The following GRID1 variants were observed in gnomAD, a reference collection of about 807,000 sequenced individuals.
GRID1 encodes the protein glutamate receptor ionotropic, delta-1.
Under a neutral mutation model 98.0 loss-of-function variants are expected in GRID1, and 28 were observed. That is an observed-to-expected ratio of 0.29 (90% confidence interval 0.21 to 0.39). The LOEUF (loss-of-function observed/expected upper bound fraction) is 0.39. Among genes scored for constraint, GRID1 ranks in the 10% least tolerant of loss-of-function variants. The pLI is 1.00. For synonymous variants in GRID1, 553 were observed against 538.5 expected (o/e 1.03, Z -0.37); for missense variants, 1,111 against 1,340.5 (o/e 0.83, Z 2.67).
intron 8 of GRID1, among the ~76,000 whole-genome samples, chr10:85,742,899 C>A (rs1032611915): frequency 2.6e-5 from 4 of 152,144 alleles, no homozygotes; most frequent in African/African-American, 9.7e-5. Context: ...TTCAACCTGA[C>A]ACTATTGGCA....
At chr10:85,719,748 G>C (rs570952157) in intron 12 of GRID1, among the ~76,000 whole-genome samples, 37 of 151,386 alleles carry the variant, frequency 2.4e-4, no homozygotes, top group African/African-American at 8.7e-4. Context: ...TCCATAGACT[G>C]AAAAAAAAGC....
chr10:85,880,942 A>G (rs918343793), intron 5 of GRID1, among the ~76,000 whole-genome samples: 1 of 152,226 alleles, frequency 6.6e-6, no homozygotes, highest in Admixed American at 6.5e-5. Flanking sequence ...ATACAAAATC[A>G]ATGTACAAAA....
At chr10:86,352,283 C>G (rs943675000) in intron 2 of GRID1, among the ~76,000 whole-genome samples, 3 of 152,192 alleles carry the variant, frequency 2.0e-5, no homozygotes, top group Non-Finnish European at 4.4e-5. Flanking sequence ...GGTCCACGCT[C>G]CCTCAGGCAG....
intron 2 of GRID1, among the ~76,000 whole-genome samples, chr10:86,295,844 C>T (rs549467440): frequency 6.6e-6 from 1 of 152,160 alleles, no homozygotes; most frequent in African/African-American, 2.4e-5. Flanking sequence ...GTAAACTTCG[C>T]CCACCTGGCA....
At chr10:86,334,451 G>A (rs560502838) in intron 2 of GRID1, among the ~76,000 whole-genome samples, 1 of 152,192 alleles carries the variant, frequency 6.6e-6, no homozygotes, top group Non-Finnish European at 1.5e-5. Flanking sequence ...AGTGAAAAGG[G>A]TTTTCTGTCA....
intron 12 of GRID1, among the ~76,000 whole-genome samples, chr10:85,687,348 C>T (rs1841281158): frequency 6.6e-6 from 1 of 152,198 alleles, no homozygotes; most frequent in Admixed American, 6.5e-5. Context: ...CAGAGCCAGA[C>T]ACCTGAAATG....
intron 6 of GRID1, among the ~76,000 whole-genome samples, chr10:85,857,809 T>G (rs186685621): frequency 1.1e-4 from 16 of 152,044 alleles, no homozygotes; most frequent in Admixed American, 1.0e-3. Flanking sequence ...GAACCCCTCC[T>G]CCCCCAGCCT....
chr10:85,750,413 A>G (rs1362112972), intron 8 of GRID1, among the ~76,000 whole-genome samples: 2 of 152,202 alleles, frequency 1.3e-5, no homozygotes, highest in Non-Finnish European at 2.9e-5. Context: ...CCTCATAGGC[A>G]GAACAACTTG....
chr10:86,070,753 C>T (rs1298114375), intron 4 of GRID1, among the ~76,000 whole-genome samples: 2 of 152,244 alleles, frequency 1.3e-5, no homozygotes, highest in Admixed American at 6.5e-5. Flanking sequence ...TTTCAACAAA[C>T]ATTCATTGAC....
rs867989685 is a variant in GRID1 at position 85,602,048 on chromosome 10, C to T, written c.*225G>A. On this transcript the variant is annotated 3_prime_UTR_variant, in exon 16 of 16. Transcript: ENST00000327946. ...AACAAAATTTACAAAGTCATTCATA[C>T]AGTTTTTGTGTTTTTTTACTGACTT... 1 of 442,492 alleles carries T rather than the reference C, an allele frequency of 2.3e-6. No individual in the cohort carries two copies. Among genetic ancestry groups the T allele is most frequent in the Non-Finnish European group, 4.0e-6 (1 of 251,786 alleles). 27.4% of individuals were successfully genotyped at this position (442,492 alleles called of 1,614,324 possible). A position where few individuals can be genotyped will look rare whatever the true frequency, so the allele number is the denominator to read the frequency against.
At chr10:86,036,736 A>C (rs1843267677) in intron 4 of GRID1, among the ~76,000 whole-genome samples, 1 of 152,172 alleles carries the variant, frequency 6.6e-6, no homozygotes, top group Non-Finnish European at 1.5e-5. Flanking sequence ...AAAGGAGTGG[A>C]CGGGGACTTC....
chr10:85,797,825 C>T (rs551459033), intron 8 of GRID1, among the ~76,000 whole-genome samples: 2 of 152,130 alleles, frequency 1.3e-5, no homozygotes, highest in African/African-American at 4.8e-5. Context: ...TGAGAATATG[C>T]AGTATTTGGT....
chr10:85,853,144 C>T (rs1393215380), intron 8 of GRID1, among the ~76,000 whole-genome samples: 2 of 152,072 alleles, frequency 1.3e-5, no homozygotes, highest in Non-Finnish European at 2.9e-5. Flanking sequence ...ATGAGCTCTA[C>T]ACGGCTCCCT....
At position 85,834,368 on chromosome 10, in the gene GRID1, T is replaced by C. The variant is rs73332672; in HGVS notation, c.1233+20128A>G. Among the ~76,000 whole-genome samples, 867 of 152,262 alleles carry C rather than the reference T, an allele frequency of 5.7e-3. 7 individuals are homozygous for C. The highest frequency in any genetic ancestry group is 0.02 in the African/African-American group (815 of 41,556). ...CTCTCAACCATAAATTCTGTCTGTC[T>C]TTCTGACATAAAGAGGAAATAAAGA... On this transcript the variant is annotated intron_variant, in intron 8 of 15. Coordinates refer to ENST00000327946, the MANE Select transcript of GRID1 (RefSeq NM_017551.3).
intron 8 of GRID1, among the ~76,000 whole-genome samples, chr10:85,743,806 C>T (rs998432771): frequency 2.6e-5 from 4 of 152,032 alleles, no homozygotes; most frequent in Non-Finnish European, 2.9e-5. Context: ...ATTTAATAAA[C>T]TGGTGAATCT....
At chr10:86,115,635 A>G (rs1442752841) in intron 4 of GRID1, among the ~76,000 whole-genome samples, 1 of 152,126 alleles carries the variant, frequency 6.6e-6, no homozygotes, top group African/African-American at 2.4e-5. Context: ...CAGAATTCCA[A>G]CTCAAGCCTG....
At chr10:85,735,890 A>ACAC (rs1841875833) in intron 8 of GRID1, among the ~76,000 whole-genome samples, 1 of 146,372 alleles carries the variant, frequency 6.8e-6, no homozygotes, top group African/African-American at 2.5e-5. Flanking sequence ...GGAGGGAGGG[A>ACAC]AGGAGGGAAA....
At chr10:85,710,380 T>G (rs1460037980) in intron 12 of GRID1, among the ~76,000 whole-genome samples, 4 of 152,020 alleles carry the variant, frequency 2.6e-5, no homozygotes, top group Admixed American at 1.3e-4. Flanking sequence ...GAAAGGATAG[T>G]CTTTCAACAA....
chr10:86,264,761 G>A (rs750124654), intron 2 of GRID1: 14 of 494,322 alleles, frequency 2.8e-5, no homozygotes, highest in East Asian at 6.0e-5. Context: ...GCAGGCATGC[G>A]GGCAGACAGA....
Sources: allele counts gnomAD v4.1 joint callset (sites outside exome capture counted in the v4.1 genomes callset), GRCh38; gene constraint gnomAD v4.1.1; transcripts MANE v1.5; gene names NCBI Gene and HGNC (gene_info 2026-07-23, HGNC 2026-07-21).